BAZ2B: variants seen among roughly 807,000 people sequenced by gnomAD.
BAZ2B encodes the protein bromodomain adjacent to zinc finger domain protein 2B.
In BAZ2B, 91 loss-of-function variants were observed where a neutral mutation model predicts 246.0. That is an observed-to-expected ratio of 0.37 (90% CI 0.31 to 0.44). The LOEUF is 0.44. BAZ2B is among the 20% of genes least tolerant of loss of function. The pLI, the probability that BAZ2B is intolerant of heterozygous loss-of-function variation, is 1.00. For synonymous variants in BAZ2B, 855 were observed against 860.0 expected (o/e 0.99, Z 0.10); for missense variants, 2,332 against 2,533.7 (o/e 0.92, Z 1.71).
intron 2 of BAZ2B, among the ~76,000 whole-genome samples, chr2:159,542,187 A>G (rs1008890613): frequency 8.5e-5 from 13 of 152,200 alleles, no homozygotes; most frequent in Non-Finnish European, 1.0e-4. Flanking sequence ...TGGAACCTGT[A>G]AGACAACATT....
At chr2:159,694,137 G>A in the BAZ2B span, 1 of 152,184 alleles carries the variant, frequency 6.6e-6, no homozygotes, top group East Asian at 1.9e-4. Flanking sequence ...TATGACTGGT[G>A]TCCTTATAAG....
intron 13 of BAZ2B, among the ~76,000 whole-genome samples, chr2:159,423,698 A>G (rs947926500): frequency 3.9e-5 from 6 of 152,258 alleles, no homozygotes; most frequent in African/African-American, 1.4e-4. Context: ...AGAAAGAATG[A>G]TATCTTATCC....
At chr2:159,407,969 T>C (rs552015090) in intron 14 of BAZ2B, among the ~76,000 whole-genome samples, 8 of 152,226 alleles carry the variant, frequency 5.3e-5, no homozygotes, top group Non-Finnish European at 7.4e-5. Flanking sequence ...AATTCTACAA[T>C]AGAGGCCTGA....
chr2:159,528,237 A>T lies in BAZ2B; in HGVS notation c.-3+27586T>A, dbSNP rs190488402. On this transcript the variant is annotated intron_variant, in intron 2 of 36. Coordinates refer to ENST00000392783, the MANE Select transcript of BAZ2B (RefSeq NM_013450.4). ...GGACACAGCAAGACTAGGGGCAGAGACACTAGTTAGGGGGTTACTGTGACA... is the reference window on the plus strand; with the variant it reads ...GGACACAGCAAGACTAGGGGCAGAGTCACTAGTTAGGGGGTTACTGTGACA... Among the ~76,000 whole-genome samples, 8 of 152,290 alleles carry T rather than the reference A, an allele frequency of 5.3e-5. No homozygotes were observed. In the South Asian group the frequency reaches 6.2e-4, roughly 12 times the overall value.
chr2:159,441,718 T>C (rs529585899), intron 6 of BAZ2B, among the ~76,000 whole-genome samples: 1 of 152,210 alleles, frequency 6.6e-6, no homozygotes, highest in Non-Finnish European at 1.5e-5. Flanking sequence ...GGTGCTTTCA[T>C]AGCTCACTGC....
chr2:159,451,717 G>A (rs2075121612), intron 4 of BAZ2B, among the ~76,000 whole-genome samples: 1 of 152,100 alleles, frequency 6.6e-6, no homozygotes, highest in African/African-American at 2.4e-5. Context: ...TACCTTAAAT[G>A]AATAAGTGAA....
intron 13 of BAZ2B, among the ~76,000 whole-genome samples, chr2:159,421,531 T>G (rs1041979718): frequency 6.6e-6 from 1 of 152,160 alleles, no homozygotes; most frequent in African/African-American, 2.4e-5. Flanking sequence ...ATCTCCTTTT[T>G]TAAAGGTAAT....
chr2:159,329,885 C>T (rs891628408), intron 34 of BAZ2B, among the ~76,000 whole-genome samples: 7 of 152,124 alleles, frequency 4.6e-5, no homozygotes, highest in Non-Finnish European at 1.0e-4. Context: ...TTATTGAAAA[C>T]AAACGTCCAA....
At chr2:159,570,879 A>G (rs1039891702) in intron 1 of BAZ2B, among the ~76,000 whole-genome samples, 1 of 151,878 alleles carries the variant, frequency 6.6e-6, no homozygotes, top group African/African-American at 2.4e-5. Flanking sequence ...TTTGAGATGG[A>G]GACTCACTCT....
intron 3 of BAZ2B, among the ~76,000 whole-genome samples, chr2:159,475,835 C>T (rs1308783276): frequency 1.3e-5 from 2 of 152,162 alleles, no homozygotes; most frequent in Admixed American, 6.6e-5. Context: ...TGGAGGTCCA[C>T]TCAAGACCCT....
chr2:159,383,521 A>G, intron 24 of BAZ2B, 85 bp downstream of exon 24: 1 of 1,166,968 alleles, frequency 8.6e-7, no homozygotes, highest in Non-Finnish European at 1.2e-6. Context: ...TAAAAGTTTA[A>G]ATTCTATCTT....
chr2:159,553,912 C>T (rs1159521300), intron 2 of BAZ2B, among the ~76,000 whole-genome samples: 6 of 152,056 alleles, frequency 3.9e-5, no homozygotes, highest in Non-Finnish European at 8.8e-5. Flanking sequence ...TAAATCAGCC[C>T]TTTCCTGGCC....
intron 34 of BAZ2B, among the ~76,000 whole-genome samples, chr2:159,327,679 T>C (rs1443608918): frequency 3.3e-5 from 5 of 152,220 alleles, no homozygotes; most frequent in Admixed American, 3.3e-4. Context: ...AGAGCTGGAA[T>C]TATGAATAGT....
chr2:159,623,534 CA>C, the BAZ2B span, among the ~76,000 whole-genome samples: 1 of 152,102 alleles, frequency 6.6e-6, no homozygotes, highest in South Asian at 2.1e-4. Context: ...TTCAGATTCC[CA>C]AAAGTCCAAG....
At chr2:159,381,745 C>T (rs1007761705) in intron 25 of BAZ2B, among the ~76,000 whole-genome samples, 3 of 152,170 alleles carry the variant, frequency 2.0e-5, no homozygotes, top group Admixed American at 6.6e-5. Context: ...CTTCCTGCCA[C>T]TAAAAAAGCA....
chr2:159,480,136 C>CA (rs1214093710), intron 2 of BAZ2B, among the ~76,000 whole-genome samples: 7 of 151,984 alleles, frequency 4.6e-5, no homozygotes, highest in Non-Finnish European at 1.0e-4. Context: ...TCACTAAATA[C>CA]AAAAAATATG....
chr2:159,581,584 A>G (rs570189897), intron 1 of BAZ2B, among the ~76,000 whole-genome samples: 1 of 152,328 alleles, frequency 6.6e-6, no homozygotes, highest in South Asian at 2.1e-4. Flanking sequence ...ATACACCCAA[A>G]GGATTATAAA....
chr2:159,551,519 C>G (rs1443663115), intron 2 of BAZ2B, among the ~76,000 whole-genome samples: 2 of 134,636 alleles, frequency 1.5e-5, no homozygotes, highest in East Asian at 4.2e-4. Flanking sequence ...ATTAAATATA[C>G]AGTAAAATAT....
chr2:159,521,798 AAGG>A (rs908196168), intron 2 of BAZ2B, among the ~76,000 whole-genome samples: 2 of 152,068 alleles, frequency 1.3e-5, no homozygotes, highest in Non-Finnish European at 2.9e-5. Context: ...AGAAGAAACA[AAGG>A]AGGTTTATTT....
Sources: gnomAD v4.1 joint callset for allele counts (sites outside exome capture counted in the v4.1 genomes callset) on GRCh38, gnomAD v4.1.1 for gene constraint, MANE v1.5 for transcripts, NCBI Gene and HGNC (gene_info 2026-07-23, HGNC 2026-07-21) for gene names.